The following KIAA1549L variants were observed in gnomAD, a reference collection of about 807,000 sequenced individuals.
KIAA1549L encodes UPF0606 protein KIAA1549L.
KIAA1549L carries 88 observed loss-of-function variants against 160.7 expected under a neutral mutation model. The observed-to-expected ratio is 0.55, with a 90% CI of 0.46 to 0.65. The LOEUF is 0.65. Among genes scored for constraint, KIAA1549L ranks in the 30% least tolerant of loss-of-function variants. The pLI is 0.00. For missense variants in KIAA1549L, 2,258 were observed against 2,437.5 expected, an observed-to-expected ratio of 0.93 and a Z score of 1.55; for synonymous variants, 950 against 976.7, an observed-to-expected ratio of 0.97 and a Z score of 0.51.
chr11:33,645,946 C>A lies in KIAA1549L; in HGVS notation c.5670C>A (p.Ser1890Arg). Reference protein sequence around the residue: ...QHLPYSEVVTSAPGTMTRPRA... With the variant: ...QHLPYSEVVTRAPGTMTRPRA... ...TGCCCTATTCGGAGGTGGTGACCAG[C>A]GCTCCGGGGACCATGACGCGGCCCA... The change falls in exon 17 of 21, where the codon AGC becomes AGA. Residue 1890 changes from serine to arginine, a missense_variant. Transcript: ENST00000658780. The A allele has an allele frequency of 1.2e-6, 2 of 1,612,738 alleles. No individual in the cohort carries two copies. Among genetic ancestry groups the A allele is most frequent in the Non-Finnish European group, 1.7e-6 (2 of 1,179,364 alleles).
At chr11:33,560,389 A>G (rs115490437) in intron 7 of KIAA1549L, among the ~76,000 whole-genome samples, 127 of 152,284 alleles carry the variant, frequency 8.3e-4, no homozygotes, top group African/African-American at 2.9e-3. Context: ...TCTCTGAGCA[A>G]TCTGGGTTGC....
intron 1 of KIAA1549L, among the ~76,000 whole-genome samples, chr11:33,390,160 C>G (rs2134046151): frequency 6.6e-6 from 1 of 152,350 alleles, no homozygotes; most frequent in South Asian, 2.1e-4. Context: ...AATAACTTAA[C>G]AGTAACTGGT....
At position 33,545,282 on chromosome 11, in the gene KIAA1549L, G is replaced by T; in HGVS notation, c.3289G>T (p.Ala1097Ser). The T allele has an allele frequency of 6.2e-7, 1 of 1,613,980 alleles. No individual in the cohort carries two copies. The highest frequency in any genetic ancestry group is 8.5e-7 in the Non-Finnish European group (1 of 1,179,888). The change falls in exon 3 of 21, where the codon GCT becomes TCT. Residue 1097 changes from alanine (A) to serine (S), a missense_variant. By Grantham distance (99) the Ala-to-Ser change is moderately conservative (BLOSUM62 1). This residue lies in a region of KIAA1549L where 1,359 missense variants were observed against 1,546.6 expected (regional missense o/e 0.88). Transcript: ENST00000658780. ...LPPLRAENTD[A>S]VLPAASAAVV... is the part of the protein sequence containing the mutation. ...ACCATTGCGAGCAGAAAACACAGAT[G>T]CTGTCCTTCCTGCTGCATCGGCTGC...
rs140808905 is a variant in KIAA1549L at position 33,488,838 on chromosome 11, C to G, written c.239-52964C>G. Among the ~76,000 whole-genome samples, 612 of 152,298 alleles carry G rather than the reference C, an allele frequency of 4.0e-3. 8 individuals carry two copies. The highest frequency in any genetic ancestry group is 3.4e-3 in the Middle Eastern group (1 of 294). On this transcript the variant is annotated intron_variant, in intron 1 of 20. Coordinates refer to ENST00000658780, the MANE Select transcript of KIAA1549L (RefSeq NM_012194.3). The stretch of plus-strand genomic sequence containing the variant: ...TCTTATTTCTATTTTCTAGATGGCT[C>G]AGAGAGTGTAAATAATTTATGCAGG...
At chr11:33,459,788 C>T (rs370929625) in intron 1 of KIAA1549L, among the ~76,000 whole-genome samples, 167 of 150,328 alleles carry the variant, frequency 1.1e-3, no homozygotes, top group African/African-American at 3.8e-3. Context: ...GGTGAAACCC[C>T]GTCTCTACTA....
rs149044324 is a variant in KIAA1549L at position 33,382,853 on chromosome 11, G to A, written c.238+5964G>A. Among the ~76,000 whole-genome samples the A allele has an allele frequency of 2.9e-3, 436 of 152,192 alleles. 1 individual carries two copies. Among genetic ancestry groups the A allele is most frequent in the African/African-American group, 9.3e-3 (388 of 41,502 alleles). ...CCTGGGACTTCCCCTGGCCCTCCTCGGGGGACTGAAGGGCTCTGAGGGGCT... is the reference window on the plus strand; with the variant it reads ...CCTGGGACTTCCCCTGGCCCTCCTCAGGGGACTGAAGGGCTCTGAGGGGCT... On this transcript the variant is annotated intron_variant, in intron 1 of 20. Transcript: ENST00000658780.
At chr11:33,584,555 A>G (rs1319575333) in intron 11 of KIAA1549L, among the ~76,000 whole-genome samples, 2 of 152,244 alleles carry the variant, frequency 1.3e-5, no homozygotes, top group Admixed American at 6.5e-5. Context: ...CATGAGGGAA[A>G]TATACTAACT....
intron 14 of KIAA1549L, among the ~76,000 whole-genome samples, chr11:33,609,512 G>A (rs1850590769): frequency 6.6e-6 from 1 of 152,238 alleles, no homozygotes. Context: ...AGACTAGGGA[G>A]AAGGAGGCCT....
At chr11:33,494,230 A>AGATAT (rs1378672670) in intron 1 of KIAA1549L, among the ~76,000 whole-genome samples, 1 of 152,238 alleles carries the variant, frequency 6.6e-6, no homozygotes, top group Non-Finnish European at 1.5e-5. Flanking sequence ...GCAATTATAT[A>AGATAT]GATATGTTTT....
At chr11:33,496,994 G>A (rs1852835796) in intron 1 of KIAA1549L, among the ~76,000 whole-genome samples, 1 of 151,868 alleles carries the variant, frequency 6.6e-6, no homozygotes, top group Non-Finnish European at 1.5e-5. Flanking sequence ...TATTCTTTCT[G>A]CCTAGAATCT....
intron 20 of KIAA1549L, among the ~76,000 whole-genome samples, 156 bp downstream of exon 20, chr11:33,661,170 G>A (rs913330462): frequency 6.6e-6 from 1 of 152,226 alleles, no homozygotes; most frequent in Non-Finnish European, 1.5e-5. Flanking sequence ...GACAGATGGT[G>A]TGGTGAGAGG....
chr11:33,642,958 G>A (rs781032573), intron 16 of KIAA1549L, among the ~76,000 whole-genome samples: 32 of 152,192 alleles, frequency 2.1e-4, no homozygotes, highest in Non-Finnish European at 3.8e-4. Context: ...AATGGGTTCA[G>A]GGAGTATCCA....
chr11:33,435,842 A>G (rs1236409938), intron 1 of KIAA1549L, among the ~76,000 whole-genome samples: 15 of 67,582 alleles, frequency 2.2e-4, no homozygotes, highest in African/African-American at 4.8e-4. Flanking sequence ...GTATATGTAT[A>G]TGTGTGTGTG....
intron 19 of KIAA1549L, among the ~76,000 whole-genome samples, chr11:33,660,103 G>A (rs1366747099): frequency 1.1e-4 from 17 of 152,244 alleles, no homozygotes; most frequent in Admixed American, 1.0e-3. Flanking sequence ...CACTACTAGT[G>A]CATGCTGCAT....
intron 1 of KIAA1549L, among the ~76,000 whole-genome samples, chr11:33,418,700 T>C (rs144505214): frequency 5.1e-4 from 77 of 152,298 alleles, no homozygotes; most frequent in African/African-American, 1.7e-3. Context: ...GGATGGAGGC[T>C]TGTTTGTGTA....
At chr11:33,455,105 C>G (rs1402041134) in intron 1 of KIAA1549L, among the ~76,000 whole-genome samples, 1 of 152,018 alleles carries the variant, frequency 6.6e-6, no homozygotes, top group Non-Finnish European at 1.5e-5. Context: ...CAAAACAAAA[C>G]AAAACAAAAA....
At chr11:33,606,202 A>C (rs913635591) in intron 13 of KIAA1549L, among the ~76,000 whole-genome samples, 1 of 152,290 alleles carries the variant, frequency 6.6e-6, no homozygotes, top group African/African-American at 2.4e-5. Flanking sequence ...AACATCTTGT[A>C]AAGATTGGTA....
intron 12 of KIAA1549L, among the ~76,000 whole-genome samples, chr11:33,593,014 G>A (rs985126347): frequency 3.9e-5 from 6 of 152,208 alleles, no homozygotes; most frequent in Admixed American, 2.0e-4. Context: ...CAAGTTGCTG[G>A]AGGTTGATTA....
intron 17 of KIAA1549L, among the ~76,000 whole-genome samples, chr11:33,652,361 C>G (rs1041115754): frequency 2.6e-5 from 4 of 152,148 alleles, no homozygotes; most frequent in Non-Finnish European, 4.4e-5. Flanking sequence ...CAGGCTGCCC[C>G]CTCTGTGTTT....
Sources: gnomAD v4.1 joint callset for allele counts (sites outside exome capture counted in the v4.1 genomes callset) on GRCh38, gnomAD v4.1.1 for gene constraint, gnomAD v4.1.1 regional missense constraint, MANE v1.5 for transcripts, NCBI Gene and HGNC (gene_info 2026-07-23, HGNC 2026-07-21) for gene names.